The following PLXNA4 variants were observed in gnomAD, a reference collection of about 807,000 sequenced individuals.
PLXNA4 encodes plexin-A4.
In PLXNA4, 44 loss-of-function variants were observed where a neutral mutation model predicts 191.8. The ratio of observed to expected loss-of-function variants is 0.23; its 90% CI spans 0.18 to 0.29. The LOEUF (loss-of-function observed/expected upper bound fraction) is 0.29. Ranked by LOEUF, PLXNA4 falls within the 10% of genes least tolerant of loss-of-function variation. PLXNA4 has a pLI of 1.00. For missense variants in PLXNA4, 1,800 were observed against 2,488.8 expected, an observed-to-expected ratio of 0.72 and a Z score of 5.89; for synonymous variants, 1,082 against 1,009.5, an observed-to-expected ratio of 1.07 and a Z score of -1.36.
chr7:132,450,734 T>A (rs141614924), intron 3 of PLXNA4, among the ~76,000 whole-genome samples: 1 of 152,216 alleles, frequency 6.6e-6, no homozygotes, highest in Non-Finnish European at 1.5e-5. Flanking sequence ...TCCCCAGGAC[T>A]CCTAGCCCCC....
At chr7:132,177,323 A>T (rs1796508860) in intron 20 of PLXNA4, among the ~76,000 whole-genome samples, 1 of 152,222 alleles carries the variant, frequency 6.6e-6, no homozygotes, top group Non-Finnish European at 1.5e-5. Context: ...TGAAGGGCCC[A>T]GCTGGGTGTC....
chr7:132,555,045 G>GAAAAAAAAAAAAAAAAAAA (rs1554467852), intron 1 of PLXNA4, among the ~76,000 whole-genome samples: 1 of 111,942 alleles, frequency 8.9e-6, no homozygotes, highest in African/African-American at 3.7e-5. Context: ...AAACCTGAAG[G>GAAAAAAAAAAAAAAAAAAA]AAAAAAAAAA....
intron 3 of PLXNA4, among the ~76,000 whole-genome samples, chr7:132,462,836 A>ATTT (rs57607720): frequency 2.0e-3 from 180 of 88,878 alleles, no homozygotes; most frequent in East Asian, 0.011. Flanking sequence ...CATTTCTATA[A>ATTT]TTTTTTTTTT....
At chr7:132,314,596 G>A (rs1251863594) in intron 3 of PLXNA4, among the ~76,000 whole-genome samples, 1 of 152,072 alleles carries the variant, frequency 6.6e-6, no homozygotes, top group African/African-American at 2.4e-5. Context: ...CTGAGGGTTG[G>A]AGAATATCAA....
At chr7:132,634,209 G>T (rs951263995) in intron 2 of PLXNA4, among the ~76,000 whole-genome samples, 1 of 152,122 alleles carries the variant, frequency 6.6e-6, no homozygotes, top group Non-Finnish European at 1.5e-5. Flanking sequence ...TTAAATGGAG[G>T]TTGCTAGGTT....
intron 1 of PLXNA4, among the ~76,000 whole-genome samples, chr7:132,564,252 G>C (rs1353713346): frequency 2.0e-4 from 15 of 75,976 alleles, no homozygotes; most frequent in Admixed American, 9.3e-4. Flanking sequence ...TCCTCCTTCT[G>C]CTTCTCCTCC....
intron 4 of PLXNA4, among the ~76,000 whole-genome samples, chr7:132,275,052 G>T (rs970944091): frequency 6.6e-6 from 1 of 151,906 alleles, no homozygotes; most frequent in East Asian, 1.9e-4. Flanking sequence ...AATATTCAGG[G>T]TCAATACTTT....
intron 1 of PLXNA4, among the ~76,000 whole-genome samples, chr7:132,514,267 G>A (rs1004586850): frequency 6.7e-6 from 1 of 150,238 alleles, no homozygotes; most frequent in Non-Finnish European, 1.5e-5. Context: ...TAGCCAGGAT[G>A]GTCTCGATCT....
chr7:132,577,840 G>A (rs1261256022), upstream of PLXNA4, among the ~76,000 whole-genome samples: 1 of 152,080 alleles, frequency 6.6e-6, no homozygotes, highest in African/African-American at 2.4e-5. Context: ...TTGCTAGTCA[G>A]AACCCCTCCC....
chr7:132,370,498 A>G (rs1804392839), intron 3 of PLXNA4, among the ~76,000 whole-genome samples: 1 of 152,204 alleles, frequency 6.6e-6, no homozygotes, highest in Admixed American at 6.5e-5. Context: ...AACAACTTTT[A>G]TAAAATTATC....
At chr7:132,564,026 TCC>T (rs1801573066) in intron 1 of PLXNA4, among the ~76,000 whole-genome samples, 1 of 17,484 alleles carries the variant, frequency 5.7e-5, no homozygotes, top group Non-Finnish European at 1.3e-4. Context: ...CTCCTTCTCC[TCC>T]TCCTTCTCCT....
chr7:132,206,672 C>A (rs889500248), intron 10 of PLXNA4, among the ~76,000 whole-genome samples: 4 of 152,058 alleles, frequency 2.6e-5, no homozygotes, highest in Non-Finnish European at 5.9e-5. Context: ...CCTGGAGGCT[C>A]TCTCTCCTGT....
chr7:132,192,496 G>A (rs1797123562), intron 14 of PLXNA4, among the ~76,000 whole-genome samples: 1 of 151,144 alleles, frequency 6.6e-6, no homozygotes, highest in African/African-American at 2.4e-5. Flanking sequence ...AAGGAAGCAA[G>A]GAAGGAAGGA....
At chr7:132,361,374 G>A (rs757177259) in intron 3 of PLXNA4, among the ~76,000 whole-genome samples, 20 of 152,108 alleles carry the variant, frequency 1.3e-4, no homozygotes, top group Non-Finnish European at 2.1e-4. Flanking sequence ...AAAATGATGC[G>A]TTGATTGATT....
intron 3 of PLXNA4, among the ~76,000 whole-genome samples, chr7:132,333,071 C>T (rs1285757246): frequency 6.6e-6 from 1 of 152,182 alleles, no homozygotes; most frequent in Non-Finnish European, 1.5e-5. Context: ...ATGGGTCTCA[C>T]CCTGCAATTT....
chr7:132,131,867 G>T (rs1305027100), intron 31 of PLXNA4, among the ~76,000 whole-genome samples: 1 of 152,228 alleles, frequency 6.6e-6, no homozygotes, highest in Non-Finnish European at 1.5e-5. Context: ...GCTCTCCCAT[G>T]ATGTAAGGGC....
intron 3 of PLXNA4, among the ~76,000 whole-genome samples, chr7:132,435,133 C>T (rs952603501): frequency 2.2e-4 from 33 of 152,104 alleles, no homozygotes; most frequent in South Asian, 4.2e-4. Context: ...TGCCTCGCCT[C>T]GGGCTTCCTG....
intron 20 of PLXNA4, among the ~76,000 whole-genome samples, chr7:132,177,616 C>T (rs1333209094): frequency 6.6e-6 from 1 of 152,168 alleles, no homozygotes; most frequent in Non-Finnish European, 1.5e-5. Context: ...TTGGGGTGCT[C>T]GGCCCACAGG....
chr7:132,286,143 T>C (rs1340276386), intron 4 of PLXNA4, among the ~76,000 whole-genome samples: 1 of 152,216 alleles, frequency 6.6e-6, no homozygotes, highest in Non-Finnish European at 1.5e-5. Flanking sequence ...TTCAACACCC[T>C]TCAAGCTGGA....
Sources: gnomAD v4.1 joint callset for allele counts (sites outside exome capture counted in the v4.1 genomes callset) on GRCh38, gnomAD v4.1.1 for gene constraint, MANE v1.5 for transcripts, NCBI Gene and HGNC (gene_info 2026-07-23, HGNC 2026-07-21) for gene names.